CMSS1: variants seen among roughly 807,000 people sequenced by gnomAD.
The protein encoded by CMSS1 is cms1 ribosomal small subunit homolog.
Under a neutral mutation model 43.5 loss-of-function variants are expected in CMSS1, and 33 were observed. The ratio of observed to expected loss-of-function variants is 0.76; its 90% CI spans 0.57 to 1.01. The LOEUF (loss-of-function observed/expected upper bound fraction) is 1.01. Ranked by LOEUF, CMSS1 falls within the 50% of genes least tolerant of loss-of-function variation. CMSS1 has a pLI of 0.00. For missense variants in CMSS1, 313 were observed against 326.4 expected (o/e 0.96, Z 0.32); for synonymous variants, 115 against 117.2 (o/e 0.98, Z 0.12).
At chr3:99,959,095 TA>T (rs554981147) in intron 1 of CMSS1, among the ~76,000 whole-genome samples, 8 of 152,118 alleles carry the variant, frequency 5.3e-5, no homozygotes, top group Admixed American at 1.3e-4. Context: ...GATGGTAATT[TA>T]AAAAAAATTC....
intron 1 of CMSS1, among the ~76,000 whole-genome samples, chr3:100,062,313 G>A (rs918717583): frequency 2.6e-4 from 40 of 151,542 alleles, no homozygotes; most frequent in African/African-American, 3.9e-4. Context: ...AGGTTTCACC[G>A]TGTTAGCCAG....
intron 1 of CMSS1, among the ~76,000 whole-genome samples, chr3:100,070,130 C>T (rs1231881616): frequency 6.6e-6 from 1 of 152,184 alleles, no homozygotes; most frequent in Non-Finnish European, 1.5e-5. Context: ...TACCAAACAG[C>T]TAACATGAAG....
At chr3:100,056,558 C>T (rs561428258) in intron 1 of CMSS1, among the ~76,000 whole-genome samples, 17 of 152,234 alleles carry the variant, frequency 1.1e-4, no homozygotes, top group African/African-American at 4.1e-4. Flanking sequence ...TGCTGCTAGC[C>T]CTTACTGGCT....
intron 1 of CMSS1, among the ~76,000 whole-genome samples, chr3:99,925,105 C>CTA (rs2107655255): frequency 6.6e-6 from 1 of 152,290 alleles, no homozygotes; most frequent in East Asian, 1.9e-4. Context: ...CCAGCCCACC[C>CTA]TATAGTTCTC....
At chr3:100,046,601 A>C (rs908597537) in intron 1 of CMSS1, among the ~76,000 whole-genome samples, 11 of 152,170 alleles carry the variant, frequency 7.2e-5, no homozygotes, top group African/African-American at 2.7e-4. Flanking sequence ...AGAGGTTAGC[A>C]AAAGAGGGGT....
chr3:100,153,378 T>G (rs1049615851), intron 2 of CMSS1, among the ~76,000 whole-genome samples: 10 of 152,238 alleles, frequency 6.6e-5, no homozygotes, highest in Non-Finnish European at 1.5e-5. Flanking sequence ...GTATAGTATT[T>G]CACTTCTTTT....
At chr3:99,902,441 G>A (rs1706467298) in intron 1 of CMSS1, among the ~76,000 whole-genome samples, 1 of 152,172 alleles carries the variant, frequency 6.6e-6, no homozygotes, top group African/African-American at 2.4e-5. Flanking sequence ...ATGAAAAAAG[G>A]TAGTGAAAAT....
In CMSS1 at chr3:99,826,820, G is replaced by A. The variant is rs138543795; in HGVS notation, c.64+8777G>A. Among the ~76,000 whole-genome samples the A allele has an allele frequency of 4.5e-4, 68 of 152,276 alleles. 1 individual carries two copies. The highest frequency in any genetic ancestry group is 1.6e-3 in the African/African-American group (65 of 41,572). ...TGAAGGTAAATAAATGAAGGACCAG[G>A]AAAAGACTTCAGCTTAAAAGTATCA... On this transcript the variant is annotated intron_variant, in intron 1 of 9. Transcript: ENST00000421999.
intron 1 of CMSS1, among the ~76,000 whole-genome samples, chr3:100,037,958 G>GGT (rs2065137346): frequency 9.9e-5 from 1 of 10,052 alleles, no homozygotes; most frequent in African/African-American, 1.8e-4. Flanking sequence ...TTTTTTTTTG[G>GGT]GGGGGGAGGG....
Position 100,080,124 on chromosome 3 carries a change from T to G in CMSS1, c.65-66849T>G, listed in dbSNP as rs570473887. The stretch of plus-strand genomic sequence containing the variant: ...TCTGCTGAAATAAGCTATTTTTCTT[T>G]TCTTTAATTAATAAAAAATTAAAAA... On this transcript the variant is annotated intron_variant, in intron 1 of 9. Coordinates refer to ENST00000421999, the MANE Select transcript of CMSS1 (RefSeq NM_032359.4). 3.2e-3 allele frequency among the ~76,000 whole-genome samples: 490 copies of G among 152,232 alleles called. 3 individuals carry two copies. Among genetic ancestry groups the G allele is most frequent in the Non-Finnish European group, 5.3e-3 (362 of 68,012 alleles).
chr3:99,830,943 G>A (rs111942883), intron 1 of CMSS1, among the ~76,000 whole-genome samples: 2,924 of 152,286 alleles, frequency 0.019, 87 homozygotes, highest in African/African-American at 0.066. Context: ...GGTTAATTTC[G>A]AATGAGATTG....
chr3:99,855,186 C>T (rs999182990), intron 1 of CMSS1, among the ~76,000 whole-genome samples: 8 of 152,160 alleles, frequency 5.3e-5, no homozygotes, highest in Non-Finnish European at 1.0e-4. Context: ...TACATGACCA[C>T]CCATTTTTTT....
At chr3:100,020,809 C>G (rs2064800932) in intron 1 of CMSS1, among the ~76,000 whole-genome samples, 1 of 125,818 alleles carries the variant, frequency 7.9e-6, no homozygotes, top group African/African-American at 3.1e-5. Context: ...GCTCTGTTGC[C>G]AGGTTTGGAG....
At chr3:99,878,507 T>C (rs1576542319) in intron 1 of CMSS1, among the ~76,000 whole-genome samples, 1 of 152,216 alleles carries the variant, frequency 6.6e-6, no homozygotes, top group Non-Finnish European at 1.5e-5. Context: ...TAGTCTTGTC[T>C]TCTCCTAATA....
At chr3:99,946,620 T>C (rs1708015923) in intron 1 of CMSS1, among the ~76,000 whole-genome samples, 1 of 152,186 alleles carries the variant, frequency 6.6e-6, no homozygotes, top group African/African-American at 2.4e-5. Context: ...TGTTAAGACT[T>C]TATGCATCTA....
chr3:99,930,640 A>G (rs1166398267), intron 1 of CMSS1: 1 of 945,408 alleles, frequency 1.1e-6, no homozygotes, highest in Non-Finnish European at 1.6e-6. Context: ...TTGTATATAT[A>G]CTTATGCTTT....
chr3:99,951,424 G>A (rs1007884330), intron 1 of CMSS1, among the ~76,000 whole-genome samples: 1 of 152,078 alleles, frequency 6.6e-6, no homozygotes, highest in Non-Finnish European at 1.5e-5. Context: ...GTACTCTGTC[G>A]AATGAATGAA....
At chr3:100,152,985 A>T (rs2066934288) in intron 2 of CMSS1, among the ~76,000 whole-genome samples, 1 of 152,242 alleles carries the variant, frequency 6.6e-6, no homozygotes, top group Non-Finnish European at 1.5e-5. Context: ...CAGATACTTC[A>T]GCATGCATAT....
At chr3:100,086,119 C>T (rs1416544673) in intron 1 of CMSS1, among the ~76,000 whole-genome samples, 1 of 152,222 alleles carries the variant, frequency 6.6e-6, no homozygotes, top group African/African-American at 2.4e-5. Flanking sequence ...AAACATGTAT[C>T]TTTCTGCAGC....
Sources: gnomAD v4.1 joint callset for allele counts (sites outside exome capture counted in the v4.1 genomes callset) on GRCh38, gnomAD v4.1.1 for gene constraint, MANE v1.5 for transcripts, NCBI Gene and HGNC (gene_info 2026-07-23, HGNC 2026-07-21) for gene names.